Variants in EXOC2 observed in about 807,000 individuals in gnomAD.
EXOC2 encodes exocyst complex component 2.
Under a neutral mutation model 131.8 loss-of-function variants are expected in EXOC2, and 70 were observed. That is an observed-to-expected ratio of 0.53 (90% CI 0.44 to 0.65). EXOC2 has a LOEUF of 0.65. EXOC2 is among the 30% of genes least tolerant of loss of function. The probability of loss-of-function intolerance (pLI) is 0.00; values close to 1 mark genes in which losing one functional copy is unlikely to be tolerated. For missense variants in EXOC2, 923 were observed against 1,108.6 expected (o/e 0.83, Z 2.38); for synonymous variants, 411 against 398.4 (o/e 1.03, Z -0.38).
intron 11 of EXOC2, among the ~76,000 whole-genome samples, chr6:590,608 TCAC>T (rs946700921): frequency 3.9e-5 from 6 of 152,164 alleles, no homozygotes; most frequent in Non-Finnish European, 7.3e-5. Flanking sequence ...TTTGCCAGAG[TCAC>T]CACCAACAGC....
chr6:645,308 A>C (rs549197734), intron 1 of EXOC2, among the ~76,000 whole-genome samples: 2 of 152,262 alleles, frequency 1.3e-5, no homozygotes, highest in African/African-American at 4.8e-5. Context: ...ATGGCTCATA[A>C]ACATAAAAAC....
intron 23 of EXOC2, among the ~76,000 whole-genome samples, chr6:530,836 T>C (rs1205551136): frequency 1.3e-5 from 2 of 152,258 alleles, no homozygotes; most frequent in African/African-American, 4.8e-5. Flanking sequence ...GGGACCCAGA[T>C]GGCTGCATCT....
In EXOC2 at chr6:564,867, A is replaced by T; in HGVS notation, c.1506T>A (p.Phe502Leu). The change falls in exon 14 of 28, where the codon TTT becomes TTA. Residue 502 changes from phenylalanine to leucine, a missense_variant. Coordinates refer to ENST00000230449, the MANE Select transcript of EXOC2 (RefSeq NM_018303.6). ...SKNVRQRQND[F>L]KKMIQEVMHS... ...CATACTTATCACCCTTACTCACCTT[A>T]AAATCATTTTGTCTTTGCCTTACAT... 1 of 1,613,064 alleles carries T rather than the reference A, an allele frequency of 6.2e-7. No individual in the cohort carries two copies. The highest frequency in any genetic ancestry group is 8.5e-7 in the Non-Finnish European group (1 of 1,179,686).
chr6:586,540 A>G (rs1225040204), intron 11 of EXOC2, among the ~76,000 whole-genome samples: 2 of 152,240 alleles, frequency 1.3e-5, no homozygotes, highest in Non-Finnish European at 2.9e-5. Flanking sequence ...TAAAAGTAAT[A>G]AAGACCAGAA....
At chr6:552,626 CAACA>C (rs1038920292) in intron 21 of EXOC2, among the ~76,000 whole-genome samples, 24 of 32,638 alleles carry the variant, frequency 7.4e-4, no homozygotes, top group East Asian at 3.0e-3. Flanking sequence ...CATTCAACAA[CAACA>C]AAAAAAAACC....
Position 632,967 on chromosome 6 carries a change from A to G in EXOC2, c.269T>C (p.Phe90Ser). The G allele has an allele frequency of 6.2e-7, 1 of 1,613,836 alleles. No individual in the cohort carries two copies. Among genetic ancestry groups the G allele is most frequent in the Non-Finnish European group, 8.5e-7 (1 of 1,179,920 alleles). The change falls in exon 3 of 28, where the codon TTC becomes TCC. Residue 90 changes from phenylalanine (F) to serine (S), a missense_variant. By Grantham distance (155) the Phe-to-Ser change is radical. Coordinates refer to ENST00000230449, the MANE Select transcript of EXOC2 (RefSeq NM_018303.6). Reference sequence around the variant, plus strand: ...TATTTTCTCAGGTTTGAGTAGCTTGAAAGAGACTGTTGAGGTTCCTCTGCC... The same window carrying G: ...TATTTTCTCAGGTTTGAGTAGCTTGGAAGAGACTGTTGAGGTTCCTCTGCC... ...SGGRGTSTVSFKLLKPEKIGI... is the reference protein window; with the variant it reads ...SGGRGTSTVSSKLLKPEKIGI...
chr6:590,115 G>GAA (rs34514915), intron 11 of EXOC2, among the ~76,000 whole-genome samples: 5 of 141,988 alleles, frequency 3.5e-5, no homozygotes, highest in African/African-American at 1.3e-4. Flanking sequence ...ACTCTGTCTG[G>GAA]AAAAAAAAAA....
intron 2 of EXOC2, among the ~76,000 whole-genome samples, chr6:634,442 A>G (rs1160505304): frequency 6.6e-6 from 1 of 152,186 alleles, no homozygotes; most frequent in Non-Finnish European, 1.5e-5. Flanking sequence ...ACTAAGGTTT[A>G]GCAATGGCAA....
intron 22 of EXOC2, among the ~76,000 whole-genome samples, chr6:535,703 A>G (rs1766402065): frequency 6.6e-6 from 1 of 152,226 alleles, no homozygotes; most frequent in South Asian, 2.1e-4. Context: ...AGGTGGTTTC[A>G]TTTGTGACTC....
rs1280940989 is a variant in EXOC2, at chr6:488,160, G to A, written c.2681+819C>T. Among the ~76,000 whole-genome samples the A allele has an allele frequency of 2.6e-5, 4 of 152,174 alleles. No homozygotes were observed. In the South Asian group the frequency reaches 6.2e-4, roughly 24 times the overall value. Reference sequence around the variant, plus strand: ...CCGGGGACTGATGGTGGAAGGGCTGGTCTGCTGCCTGCTCTGTGCGTCGAT... The same window carrying A: ...CCGGGGACTGATGGTGGAAGGGCTGATCTGCTGCCTGCTCTGTGCGTCGAT... On this transcript the variant is annotated intron_variant, in intron 27 of 27. Transcript: ENST00000230449.
intron 1 of EXOC2, among the ~76,000 whole-genome samples, chr6:686,792 G>A (rs1455096334): frequency 6.6e-6 from 1 of 152,212 alleles, no homozygotes; most frequent in Non-Finnish European, 1.5e-5. Context: ...AAAGGCTGCA[G>A]GTCTAAAGGT....
chr6:572,654 A>G lies in EXOC2; in HGVS notation c.1319-10T>C, dbSNP rs1010865187. The G allele has an allele frequency of 8.7e-6, 14 of 1,610,424 alleles. No homozygotes were observed. The highest frequency in any genetic ancestry group is 1.1e-5 in the Non-Finnish European group (13 of 1,178,970). ...GTTTTGTATCTCCACGCTAAGGGGG[A>G]AAAGAATAAAATACTATGATTGTAC... On this transcript the variant is annotated splice_polypyrimidine_tract_variant and intron_variant, in intron 12 of 27. Transcript: ENST00000230449.
chr6:559,363 A>G (rs1757582557), intron 17 of EXOC2, among the ~76,000 whole-genome samples: 1 of 152,182 alleles, frequency 6.6e-6, no homozygotes, highest in African/African-American at 2.4e-5. Flanking sequence ...AATGTTTAGA[A>G]AAATGGGATT....
chr6:501,157 CTATATATATTATATATATCTATATATTA>C (rs1764061329), intron 23 of EXOC2, among the ~76,000 whole-genome samples: 1 of 30,972 alleles, frequency 3.2e-5, no homozygotes, highest in Non-Finnish European at 5.5e-5. Context: ...TTATATATAT[CTATATATATTATATATATCTATATATTA>C]TATATATCTA....
At position 549,177 on chromosome 6, in the gene EXOC2, G is replaced by C. The variant is rs757060314; in HGVS notation, c.2236C>G (p.Gln746Glu). 1.2e-6 allele frequency: 2 copies of C among 1,612,490 alleles called. No homozygotes were observed. The highest frequency in any genetic ancestry group is 1.7e-6 in the Non-Finnish European group (2 of 1,178,564). The change falls in exon 22 of 28, where the codon CAG becomes GAG. Residue 746 changes from glutamine to glutamate, a missense_variant and splice_region_variant. Coordinates refer to ENST00000230449, the MANE Select transcript of EXOC2 (RefSeq NM_018303.6). ...GCGTTTTACATGAACTCGCTTACCTGTGTGATTTTTTCTATTCCCTGGAAG... is the reference window on the plus strand; with the variant it reads ...GCGTTTTACATGAACTCGCTTACCTCTGTGATTTTTTCTATTCCCTGGAAG... Reference protein sequence around the residue: ...HNFQGIEKITQVSMASLKELD... With the variant: ...HNFQGIEKITEVSMASLKELD...
chr6:531,812 G>C (rs1766105675), intron 23 of EXOC2, among the ~76,000 whole-genome samples: 2 of 152,234 alleles, frequency 1.3e-5, no homozygotes, highest in South Asian at 4.1e-4. Flanking sequence ...CCAACAGGCA[G>C]CTTGGTTTTA....
intron 6 of EXOC2, among the ~76,000 whole-genome samples, chr6:613,070 G>C (rs995688257): frequency 6.6e-6 from 1 of 152,110 alleles, no homozygotes; most frequent in African/African-American, 2.4e-5. Context: ...GAGGACCAGC[G>C]TGAGCAGTAT....
In EXOC2 at chr6:556,379, C is replaced by T. The variant is rs577391211; in HGVS notation, c.1932+105G>A. 1.3e-4 allele frequency: 150 copies of T among 1,160,288 alleles called. 2 individuals are homozygous for T. The Middle Eastern group carries it at 3.1e-3, about 24-fold the overall frequency. 71.9% of individuals were successfully genotyped at this position (1,160,288 alleles called of 1,614,324 possible). ...AGTTAAACTAAATGGAACAAGCAGGCGAAGAGGGAGAAAAGATCTTGCAGT... is the reference window on the plus strand; with the variant it reads ...AGTTAAACTAAATGGAACAAGCAGGTGAAGAGGGAGAAAAGATCTTGCAGT... On this transcript the variant is annotated intron_variant, in intron 18 of 27. Coordinates refer to ENST00000230449, the MANE Select transcript of EXOC2 (RefSeq NM_018303.6).
chr6:663,319 GA>G (rs1156829363), intron 1 of EXOC2, among the ~76,000 whole-genome samples: 2 of 151,980 alleles, frequency 1.3e-5, no homozygotes, highest in African/African-American at 4.8e-5. Context: ...TACCACCAAA[GA>G]AAAGTCCAGG....
Sources: allele counts gnomAD v4.1 joint callset (sites outside exome capture counted in the v4.1 genomes callset), GRCh38; gene constraint gnomAD v4.1.1; transcripts MANE v1.5; gene names NCBI Gene and HGNC (gene_info 2026-07-23, HGNC 2026-07-21).